ZYG11A: variants seen among roughly 807,000 people sequenced by gnomAD.
The protein encoded by ZYG11A is zyg-11 family member A, cell cycle regulator, also known as protein zyg-11 homolog A.
ZYG11A carries 62 observed loss-of-function variants against 77.2 expected under a neutral mutation model. That is an observed-to-expected ratio of 0.80 (90% CI 0.65 to 0.99). The LOEUF (loss-of-function observed/expected upper bound fraction) is 0.99. Ranked by LOEUF, ZYG11A falls within the 50% of genes least tolerant of loss-of-function variation. ZYG11A has a pLI of 0.00. For synonymous variants in ZYG11A, 315 were observed against 324.6 expected, an observed-to-expected ratio of 0.97 and a Z score of 0.32; for missense variants, 828 against 896.8, an observed-to-expected ratio of 0.92 and a Z score of 0.98.
intron 1 of ZYG11A, among the ~76,000 whole-genome samples, chr1:52,846,303 T>A (rs1354750451): frequency 3.8e-5 from 2 of 52,366 alleles, no homozygotes; most frequent in African/African-American, 1.2e-4. Flanking sequence ...CATGGCTTTT[T>A]AAATTTTTAT....
Position 52,857,427 on chromosome 1 carries a change from G to A in ZYG11A, c.686G>A (p.Arg229Gln), listed in dbSNP as rs1257469667. 7 of 1,551,844 alleles carry A rather than the reference G, an allele frequency of 4.5e-6. No individual in the cohort carries two copies. Among genetic ancestry groups the A allele is most frequent in the African/African-American group, 4.1e-5 (3 of 73,018 alleles). Residue 229 changes from arginine (R) to glutamine (Q), a missense_variant, in exon 3 of 14, where the codon CGA becomes CAA. Transcript: ENST00000371528. ...TCTGCACTGCTTACCTGTAAGGATCGATTGAAGTCTCTCACAATGCACTAT... is the reference window on the plus strand; with the variant it reads ...TCTGCACTGCTTACCTGTAAGGATCAATTGAAGTCTCTCACAATGCACTAT... ...DISALLTCKD[R>Q]LKSLTMHYLK... is the part of the protein sequence containing the mutation.
Position 52,870,891 on chromosome 1 carries a change from A to T in ZYG11A, c.1542+3114A>T, listed in dbSNP as rs1388637358. 4.2e-5 allele frequency among the ~76,000 whole-genome samples: 6 copies of T among 143,418 alleles called. No homozygotes were observed. In the East Asian group the frequency reaches 1.7e-3, roughly 41 times the overall value. The allele number at this position is 143,418 out of a possible 152,430, so 94.1% of individuals were successfully genotyped here. A position where few individuals can be genotyped will look rare whatever the true frequency, so the allele number is the denominator to read the frequency against. On this transcript the variant is annotated intron_variant, in intron 8 of 13. Coordinates refer to ENST00000371528, the MANE Select transcript of ZYG11A (RefSeq NM_001004339.3). ...GGAGACCGTGGGGAGGGGGAGGGGGAGAGGGAGAGGGAGAGGGGATTTTTT... is the reference window on the plus strand; with the variant it reads ...GGAGACCGTGGGGAGGGGGAGGGGGTGAGGGAGAGGGAGAGGGGATTTTTT...
At chr1:52,873,479 G>A (rs1481028616) in intron 8 of ZYG11A, among the ~76,000 whole-genome samples, 1 of 152,146 alleles carries the variant, frequency 6.6e-6, no homozygotes, top group Non-Finnish European at 1.5e-5. Context: ...TATAAATGGA[G>A]CCTGGAGATG....
At chr1:52,854,873 G>T (rs1451865451) in intron 2 of ZYG11A, among the ~76,000 whole-genome samples, 1 of 147,884 alleles carries the variant, frequency 6.8e-6, no homozygotes, top group Non-Finnish European at 1.5e-5. Flanking sequence ...CTCTAGCTTT[G>T]TTTTTTTTTT....
At chr1:52,867,062 T>A (rs1291273586) in intron 6 of ZYG11A, among the ~76,000 whole-genome samples, 1 of 152,198 alleles carries the variant, frequency 6.6e-6, no homozygotes, top group Non-Finnish European at 1.5e-5. Flanking sequence ...ATTCACAAGT[T>A]TTAAAACATT....
At chr1:52,874,311 C>G (rs1646223898) in intron 8 of ZYG11A, among the ~76,000 whole-genome samples, 2 of 152,002 alleles carry the variant, frequency 1.3e-5, no homozygotes, top group Non-Finnish European at 2.9e-5. Context: ...TGGTGGGGAC[C>G]CATCTCAACT....
chr1:52,864,063 G>A lies in ZYG11A; in HGVS notation c.1232G>A (p.Arg411His), dbSNP rs1479654467. The change falls in exon 5 of 14, where the codon CGC (arginine) becomes CAC (histidine). Residue 411 changes from arginine (R) to histidine (H), a missense_variant. By Grantham distance (29) the Arg-to-His change is conservative (BLOSUM62 0). Coordinates refer to ENST00000371528, the MANE Select transcript of ZYG11A (RefSeq NM_001004339.3). ...AGTGCTTGCGCTCTCAACCTAACAC[G>A]CCAGGGCCTGGCCAAGGGGATGCCT... ...TASACALNLT[R>H]QGLAKGMPVR... is the part of the protein sequence containing the mutation. The A allele has an allele frequency of 3.2e-6, 5 of 1,551,724 alleles. No homozygotes were observed. Among genetic ancestry groups the A allele is most frequent in the African/African-American group, 2.7e-5 (2 of 73,062 alleles).
intron 8 of ZYG11A, among the ~76,000 whole-genome samples, chr1:52,872,285 G>T (rs1646181808): frequency 6.6e-6 from 1 of 152,024 alleles, no homozygotes; most frequent in East Asian, 1.9e-4. Flanking sequence ...TGTATCTTTA[G>T]TATAGATGAG....
At chr1:52,846,349 T>G (rs1558155852) in intron 1 of ZYG11A, among the ~76,000 whole-genome samples, 1 of 45,868 alleles carries the variant, frequency 2.2e-5, no homozygotes, top group Non-Finnish European at 3.9e-5. Context: ...TATATATATA[T>G]ATATATATAT....
intron 5 of ZYG11A, among the ~76,000 whole-genome samples, chr1:52,864,490 G>A (rs1487723969): frequency 6.6e-6 from 1 of 152,000 alleles, no homozygotes; most frequent in Non-Finnish European, 1.5e-5. Flanking sequence ...ATGAGCCATG[G>A]CATACGGCAG....
intron 8 of ZYG11A, 44 bp from the exon 9 acceptor site, chr1:52,877,638 T>C: frequency 6.7e-7 from 1 of 1,497,946 alleles, no homozygotes; most frequent in African/African-American, 1.4e-5. Context: ...CAATTGATTA[T>C]TCATTAGAGC....
chr1:52,878,831 T>C (rs775098977), intron 10 of ZYG11A, among the ~76,000 whole-genome samples: 16 of 151,122 alleles, frequency 1.1e-4, no homozygotes, highest in Non-Finnish European at 2.2e-4. Flanking sequence ...CCCAGCTACT[T>C]GGGAGGCTGA....
Position 52,877,917 on chromosome 1 carries a change from T to C in ZYG11A, c.1705-8T>C. On this transcript the variant is annotated splice_region_variant and splice_polypyrimidine_tract_variant and intron_variant, in intron 9 of 13. Transcript: ENST00000371528. ...AAAGTAACCTGTATGTATATATTTT[T>C]TTGACAGACCTTTTCAGAGTCAGCA... is the stretch of plus-strand genomic sequence containing the variant. 1 of 1,551,714 alleles carries C rather than the reference T, an allele frequency of 6.4e-7. No individual in the cohort carries two copies. The highest frequency in any genetic ancestry group is 1.4e-5 in the African/African-American group (1 of 73,184).
chr1:52,874,348 G>C (rs1646224725), intron 8 of ZYG11A, among the ~76,000 whole-genome samples: 1 of 152,044 alleles, frequency 6.6e-6, no homozygotes, highest in Non-Finnish European at 1.5e-5. Context: ...GGGCTCAAGT[G>C]ATCTTCCTGC....
chr1:52,866,518 C>A lies in ZYG11A; in HGVS notation c.1342C>A (p.Leu448Ile). The A allele has an allele frequency of 6.5e-7, 1 of 1,529,886 alleles. No homozygotes were observed. The highest frequency in any genetic ancestry group is 1.2e-5 in the South Asian group (1 of 83,254). 94.8% of individuals were successfully genotyped at this position (1,529,886 alleles called of 1,614,324 possible). A position where few individuals can be genotyped will look rare whatever the true frequency, so the allele number is the denominator to read the frequency against. Reference sequence around the variant, plus strand: ...TCTCTAAAAGTTACAGAAGAATTGTCTTCTCTCCTTAACCAATTCCAGGAT... The same window carrying A: ...TCTCTAAAAGTTACAGAAGAATTGTATTCTCTCCTTAACCAATTCCAGGAT... ...PHYQQLQKNC[L>I]LSLTNSRILV... Residue 448 changes from leucine to isoleucine, a missense_variant, in exon 6 of 14, where the codon CTT (leucine) becomes ATT (isoleucine). Leu to Ile is a conservative substitution (Grantham distance 5). Coordinates refer to ENST00000371528, the MANE Select transcript of ZYG11A (RefSeq NM_001004339.3).
intron 8 of ZYG11A, among the ~76,000 whole-genome samples, chr1:52,875,228 T>C (rs1232131990): frequency 6.6e-6 from 1 of 152,188 alleles, no homozygotes; most frequent in Non-Finnish European, 1.5e-5. Flanking sequence ...AGGAAGTCAT[T>C]AGTCACCTTG....
At chr1:52,872,768 AG>A (rs1483151142) in intron 8 of ZYG11A, among the ~76,000 whole-genome samples, 9 of 150,796 alleles carry the variant, frequency 6.0e-5, no homozygotes, top group African/African-American at 2.2e-4. Flanking sequence ...CTGTAATCCT[AG>A]ACACTTAGGA....
At chr1:52,862,336 G>A (rs1424987694) in intron 4 of ZYG11A, among the ~76,000 whole-genome samples, 2 of 148,628 alleles carry the variant, frequency 1.3e-5, no homozygotes. Flanking sequence ...TTTTGAGACG[G>A]CGTCTCGCTC....
intron 11 of ZYG11A, among the ~76,000 whole-genome samples, chr1:52,883,510 C>T (rs1260177423): frequency 2.6e-5 from 4 of 151,876 alleles, no homozygotes; most frequent in Admixed American, 1.3e-4. Flanking sequence ...TCATTGCATC[C>T]TCCACCTCCT....
Sources: gnomAD v4.1 joint callset for allele counts (sites outside exome capture counted in the v4.1 genomes callset) on GRCh38, gnomAD v4.1.1 for gene constraint, MANE v1.5 for transcripts, NCBI Gene and HGNC (gene_info 2026-07-23, HGNC 2026-07-21) for gene names.